The following RREB1 variants were observed in gnomAD, a reference collection of about 807,000 sequenced individuals.
The protein encoded by RREB1 is ras-responsive element-binding protein 1.
Under a neutral mutation model 117.8 loss-of-function variants are expected in RREB1, and 27 were observed. The ratio of observed to expected loss-of-function variants is 0.23; its 90% CI spans 0.17 to 0.32. The LOEUF (loss-of-function observed/expected upper bound fraction) is 0.32. Ranked by LOEUF, RREB1 falls within the 10% of genes least tolerant of loss-of-function variation. The probability of loss-of-function intolerance (pLI) is 1.00; values close to 1 mark genes in which losing one functional copy is unlikely to be tolerated. For synonymous variants in RREB1, 1,298 were observed against 1,026.7 expected, an observed-to-expected ratio of 1.26 and a Z score of -5.05; for missense variants, 2,577 against 2,378.2, an observed-to-expected ratio of 1.08 and a Z score of -1.74.
At chr6:7,164,707 T>C (rs1000323360) in intron 1 of RREB1, among the ~76,000 whole-genome samples, 4 of 152,198 alleles carry the variant, frequency 2.6e-5, no homozygotes, top group Admixed American at 6.5e-5. Flanking sequence ...GGAAGTGCTT[T>C]TGAGTCTGAA....
intron 6 of RREB1, among the ~76,000 whole-genome samples, chr6:7,198,886 A>C (rs1765796809): frequency 6.6e-6 from 1 of 152,152 alleles, no homozygotes; most frequent in Admixed American, 6.5e-5. Flanking sequence ...AGAGGCCCAT[A>C]ATCTTCCCTC....
chr6:7,144,704 A>C (rs573000281), intron 1 of RREB1, among the ~76,000 whole-genome samples: 1 of 152,114 alleles, frequency 6.6e-6, no homozygotes, highest in African/African-American at 2.4e-5. Context: ...TTACATATTC[A>C]ACAACTGGTT....
At chr6:7,149,752 A>G (rs922581806) in intron 1 of RREB1, among the ~76,000 whole-genome samples, 3 of 152,210 alleles carry the variant, frequency 2.0e-5, no homozygotes, top group African/African-American at 2.4e-5. Context: ...CAGTGGCGCA[A>G]TCTCGGCTCA....
intron 6 of RREB1, among the ~76,000 whole-genome samples, chr6:7,200,236 GTGTGTATA>G (rs1287967300): frequency 7.7e-6 from 1 of 130,546 alleles, no homozygotes; most frequent in African/African-American, 3.1e-5. Context: ...ATATATGTAT[GTGTGTATA>G]TGTGTGTGTG....
intron 1 of RREB1, among the ~76,000 whole-genome samples, chr6:7,164,381 T>G (rs1763822560): frequency 6.6e-6 from 1 of 152,230 alleles, no homozygotes; most frequent in Admixed American, 6.5e-5. Context: ...TCTCCTTTCC[T>G]TAATTGATTT....
At chr6:7,116,182 G>T (rs988604263) in intron 1 of RREB1, among the ~76,000 whole-genome samples, 1 of 152,088 alleles carries the variant, frequency 6.6e-6, no homozygotes, top group African/African-American at 2.4e-5. Flanking sequence ...TCCTTAACTT[G>T]GCATACAAGG....
intron 1 of RREB1, among the ~76,000 whole-genome samples, chr6:7,141,116 C>T (rs1420164962): frequency 2.6e-5 from 4 of 152,208 alleles, no homozygotes; most frequent in African/African-American, 7.2e-5. Context: ...CAGGGCTCCA[C>T]GGCCGCAGGG....
intron 11 of RREB1, among the ~76,000 whole-genome samples, chr6:7,244,609 T>C (rs1768901871): frequency 6.6e-6 from 1 of 152,220 alleles, no homozygotes; most frequent in Non-Finnish European, 1.5e-5. Flanking sequence ...TTTGGATAAT[T>C]TTGCAAAATC....
intron 1 of RREB1, among the ~76,000 whole-genome samples, chr6:7,147,588 A>C (rs1184558689): frequency 6.6e-6 from 1 of 152,198 alleles, no homozygotes; most frequent in African/African-American, 2.4e-5. Flanking sequence ...ACTGTGTGAC[A>C]GTTAATTGTA....
intron 8 of RREB1, chr6:7,214,008 C>G (rs1274801117): frequency 6.6e-6 from 1 of 152,332 alleles, no homozygotes. Context: ...TTCTGAAATG[C>G]TGACCTGGGT....
chr6:7,222,169 T>C (rs1767299244), intron 8 of RREB1, among the ~76,000 whole-genome samples: 1 of 152,216 alleles, frequency 6.6e-6, no homozygotes, highest in African/African-American at 2.4e-5. Context: ...TAGCAGATTC[T>C]CACACCTAAC....
chr6:7,231,653 T>C lies in RREB1; in HGVS notation c.3554T>C (p.Leu1185Pro). The C allele has an allele frequency of 6.2e-7, 1 of 1,611,272 alleles. No homozygotes were observed. Among genetic ancestry groups the C allele is most frequent in the Non-Finnish European group, 8.5e-7 (1 of 1,178,680 alleles). Residue 1185 changes from leucine to proline, a missense_variant, in exon 10 of 13, where the codon CTG (leucine) becomes CCG (proline). Transcript: ENST00000379938. ...GAGTTTGCCAGCATCGAGAAGATGC[T>C]GGCCACCACAGACACCAACAAGTTC... ...SGEFASIEKM[L>P]ATTDTNKFSP... is the part of the protein sequence containing the mutation.
chr6:7,137,403 G>A (rs1762387843), intron 1 of RREB1, among the ~76,000 whole-genome samples: 1 of 152,226 alleles, frequency 6.6e-6, no homozygotes, highest in South Asian at 2.1e-4. Context: ...ACCAAGCCCT[G>A]GTACAGAAAT....
intron 10 of RREB1, among the ~76,000 whole-genome samples, chr6:7,235,594 G>A (rs1470929215): frequency 6.6e-6 from 1 of 152,160 alleles, no homozygotes; most frequent in Non-Finnish European, 1.5e-5. Context: ...CGTGAGCCAC[G>A]GTGCCTGGCC....
At position 7,234,919 on chromosome 6, in the gene RREB1, G is replaced by A. The variant is rs370994661; in HGVS notation, c.3808+3012G>A. On this transcript the variant is annotated intron_variant, in intron 10 of 12. Coordinates refer to ENST00000379938, the MANE Select transcript of RREB1 (RefSeq NM_001003699.4). Reference sequence around the variant, plus strand: ...TGTCCTCTGTGTGAAGGCAGAAGGCGGGCAGAGTGCACCTTCCATGTCTCC... The same window carrying A: ...TGTCCTCTGTGTGAAGGCAGAAGGCAGGCAGAGTGCACCTTCCATGTCTCC... Among the ~76,000 whole-genome samples the A allele has an allele frequency of 4.5e-4, 69 of 152,342 alleles. No individual in the cohort carries two copies. In the Middle Eastern group the frequency reaches 0.01, roughly 23 times the overall value.
At chr6:7,186,842 T>G (rs1765107784) in intron 4 of RREB1, among the ~76,000 whole-genome samples, 1 of 152,204 alleles carries the variant, frequency 6.6e-6, no homozygotes, top group Non-Finnish European at 1.5e-5. Flanking sequence ...GGACAGCAAT[T>G]TTCTCAGTGT....
intron 6 of RREB1, among the ~76,000 whole-genome samples, chr6:7,197,597 C>T (rs1321310895): frequency 1.3e-5 from 2 of 152,172 alleles, no homozygotes; most frequent in Admixed American, 6.5e-5. Context: ...ACTCATGAGG[C>T]GGAGGCTGCA....
intron 9 of RREB1, among the ~76,000 whole-genome samples, chr6:7,227,434 G>A (rs763667211): frequency 8.6e-5 from 13 of 151,966 alleles, no homozygotes; most frequent in Non-Finnish European, 1.8e-4. Context: ...CCAGCTACTC[G>A]GGAGGCTGAG....
chr6:7,147,656 CTTT>C (rs1412064677), intron 1 of RREB1, among the ~76,000 whole-genome samples: 1 of 152,210 alleles, frequency 6.6e-6, no homozygotes, highest in Non-Finnish European at 1.5e-5. Context: ...CATCAAGCTT[CTTT>C]GTTTGAGAAG....
Sources: allele counts gnomAD v4.1 joint callset (sites outside exome capture counted in the v4.1 genomes callset), GRCh38; gene constraint gnomAD v4.1.1; transcripts MANE v1.5; gene names NCBI Gene and HGNC (gene_info 2026-07-23, HGNC 2026-07-21).